NEDD4L: variants seen among roughly 807,000 people sequenced by gnomAD.
NEDD4L encodes the protein NEDD4 like E3 ubiquitin protein ligase, also known as E3 ubiquitin-protein ligase NEDD4-like.
NEDD4L carries 54 observed loss-of-function variants against 148.9 expected under a neutral mutation model. That is an observed-to-expected ratio of 0.36 (90% CI 0.29 to 0.45). NEDD4L has a LOEUF of 0.45. Ranked by LOEUF, NEDD4L falls within the 20% of genes least tolerant of loss-of-function variation. The pLI is 1.00. For synonymous variants in NEDD4L, 433 were observed against 440.7 expected, an observed-to-expected ratio of 0.98 and a Z score of 0.22; for missense variants, 856 against 1,233.8, an observed-to-expected ratio of 0.69 and a Z score of 4.59.
At chr18:58,174,351 C>T (rs4340402) in intron 2 of NEDD4L, among the ~76,000 whole-genome samples, 37,819 of 151,924 alleles carry the variant, frequency 0.25, 5,464 homozygotes, top group East Asian at 0.43. Context: ...CAGACAGGAA[C>T]AGAAGTTCTC....
chr18:58,305,028 A>T (rs776908179), intron 5 of NEDD4L, among the ~76,000 whole-genome samples: 7 of 152,216 alleles, frequency 4.6e-5, no homozygotes, highest in Non-Finnish European at 8.8e-5. Flanking sequence ...CCAGAGGGCT[A>T]GGGTTCCAAA....
At chr18:58,255,751 C>G in intron 5 of NEDD4L, 1 of 1,232,506 alleles carries the variant, frequency 8.1e-7, no homozygotes, top group Middle Eastern at 3.1e-4. Flanking sequence ...CATTCCACAC[C>G]CTACCGCGGA....
At chr18:58,249,067 C>A in intron 4 of NEDD4L, 130 bp downstream of exon 4, 2 of 487,082 alleles carry the variant, frequency 4.1e-6, no homozygotes, top group Non-Finnish European at 7.2e-6. Context: ...AATAGGTAGC[C>A]TCCTAATGTG....
intron 1 of NEDD4L, among the ~76,000 whole-genome samples, chr18:58,161,176 A>G (rs1568307497): frequency 6.6e-6 from 1 of 152,092 alleles, no homozygotes; most frequent in Non-Finnish European, 1.5e-5. Context: ...GACTACTGGC[A>G]TGCATCAGCA....
intron 2 of NEDD4L, among the ~76,000 whole-genome samples, chr18:58,229,710 G>A (rs1164666725): frequency 2.0e-5 from 3 of 152,212 alleles, no homozygotes; most frequent in East Asian, 1.9e-4. Flanking sequence ...CAGCTTTTTC[G>A]GCTGGGCGCG....
chr18:58,135,065 C>CTT lies in NEDD4L; in HGVS notation c.49-30713_49-30712dup, dbSNP rs35077870. Among the ~76,000 whole-genome samples, 91 of 148,322 alleles carry CTT rather than the reference C, an allele frequency of 6.1e-4. 1 individual carries two copies. Among genetic ancestry groups the CTT allele is most frequent in the African/African-American group, 1.5e-3 (62 of 40,494 alleles). ...CCTCAAATCAAGGGTTTCACATTTT[C>CTT]TTTTTTTTTTTGGAATTGCCTGCTC... On this transcript the variant is annotated intron_variant, in intron 1 of 30. Coordinates refer to ENST00000400345, the MANE Select transcript of NEDD4L (RefSeq NM_001144967.3).
chr18:58,066,387 G>GTTTTTTTTTTTTTT (rs368243667), intron 1 of NEDD4L, among the ~76,000 whole-genome samples: 14 of 112,122 alleles, frequency 1.2e-4, no homozygotes, highest in African/African-American at 3.6e-4. Context: ...CTCTGTATTA[G>GTTTTTTTTTTTTTT]TTTTTTTTTT....
At chr18:58,150,174 A>G (rs974619214) in intron 1 of NEDD4L, among the ~76,000 whole-genome samples, 1 of 152,248 alleles carries the variant, frequency 6.6e-6, no homozygotes, top group African/African-American at 2.4e-5. Context: ...TTCTAAATCA[A>G]TGCATCATTT....
In NEDD4L at chr18:58,162,669, A is replaced by G. The variant is rs1452103721; in HGVS notation, c.49-3119A>G. On this transcript the variant is annotated intron_variant, in intron 1 of 30. Transcript: ENST00000400345. The stretch of plus-strand genomic sequence containing the variant: ...GGAACTCTGTCTTGTTTACATCTCT[A>G]TCTCCAGATAACGTGTCTGGCACGT... Among the ~76,000 whole-genome samples the G allele has an allele frequency of 6.6e-6, 1 of 150,876 alleles. No homozygotes were observed. Among genetic ancestry groups the G allele is most frequent in the Non-Finnish European group, 1.5e-5 (1 of 67,860 alleles).
intron 16 of NEDD4L, among the ~76,000 whole-genome samples, chr18:58,347,200 C>A (rs2043182273): frequency 1.0e-5 from 1 of 97,964 alleles, no homozygotes; most frequent in Non-Finnish European, 2.1e-5. Flanking sequence ...TCTTTTCACG[C>A]TACGGCCCCC....
intron 1 of NEDD4L, among the ~76,000 whole-genome samples, chr18:58,075,901 C>T (rs979199696): frequency 1.3e-5 from 2 of 152,088 alleles, no homozygotes; most frequent in Admixed American, 6.6e-5. Context: ...GGCACTCCAG[C>T]GTGAGTGACA....
At chr18:58,331,879 C>T (rs1270964299) in intron 11 of NEDD4L, among the ~76,000 whole-genome samples, 9 of 152,274 alleles carry the variant, frequency 5.9e-5, no homozygotes, top group East Asian at 5.8e-4. Context: ...AGACAGTATA[C>T]GCCTCTATTA....
intron 1 of NEDD4L, chr18:58,149,202 G>A (rs1046221010): frequency 4.2e-5 from 10 of 235,680 alleles, no homozygotes; most frequent in African/African-American, 2.0e-4. Context: ...CTTATGTGGC[G>A]TTATCTGGGT....
chr18:58,138,942 C>T (rs1017100313), intron 1 of NEDD4L, among the ~76,000 whole-genome samples: 2 of 152,248 alleles, frequency 1.3e-5, no homozygotes, highest in African/African-American at 4.8e-5. Context: ...GTGTGGCTGG[C>T]AATCACCAGG....
At chr18:58,226,631 T>C (rs185887050) in intron 2 of NEDD4L, among the ~76,000 whole-genome samples, 371 of 152,296 alleles carry the variant, frequency 2.4e-3, no homozygotes, top group Non-Finnish European at 3.5e-3. Context: ...TCCTGTGTTG[T>C]GCCTGGGGAC....
chr18:58,225,444 G>T (rs527476543), intron 2 of NEDD4L, among the ~76,000 whole-genome samples: 60 of 152,306 alleles, frequency 3.9e-4, no homozygotes, highest in African/African-American at 1.4e-3. Context: ...CCTGATGCTG[G>T]GTTTTATCCG....
In NEDD4L at chr18:58,045,344, T is replaced by A. The variant is rs1380408062; in HGVS notation, c.48+636T>A. ...GCTGGTGGCAGGTGCTCCTGGAAAC[T>A]TGGGGAGGAAGCTTGCAGCCCTGCC... is the stretch of plus-strand genomic sequence containing the variant. On this transcript the variant is annotated intron_variant, in intron 1 of 30. Coordinates refer to ENST00000400345, the MANE Select transcript of NEDD4L (RefSeq NM_001144967.3). 3 of 392,612 alleles carry A rather than the reference T, an allele frequency of 7.6e-6. No individual in the cohort carries two copies. The East Asian group carries it at 1.1e-4, about 14-fold the overall frequency. 24.3% of individuals were successfully genotyped at this position (392,612 alleles called of 1,614,324 possible).
intron 9 of NEDD4L, among the ~76,000 whole-genome samples, chr18:58,328,629 G>A (rs552531629): frequency 1.3e-5 from 2 of 152,330 alleles, no homozygotes; most frequent in Admixed American, 1.3e-4. Flanking sequence ...CCCAGCTGCT[G>A]TGTGAACTTG....
chr18:58,377,738 G>GGTTTGTTTGTTTGTTT (rs142530831), intron 24 of NEDD4L, among the ~76,000 whole-genome samples: 1,730 of 151,498 alleles, frequency 0.011, 15 homozygotes, highest in Non-Finnish European at 0.013. Context: ...TTTGGTTATG[G>GGTTTGTTTGTTTGTTT]GTTTGTTTGT....
Sources: gnomAD v4.1 joint callset for allele counts (sites outside exome capture counted in the v4.1 genomes callset) on GRCh38, gnomAD v4.1.1 for gene constraint, MANE v1.5 for transcripts, NCBI Gene and HGNC (gene_info 2026-07-23, HGNC 2026-07-21) for gene names.